The following DIP2A variants were observed in gnomAD, a reference collection of about 807,000 sequenced individuals.
DIP2A encodes disco-interacting protein 2 homolog A.
In DIP2A, 85 loss-of-function variants were observed where a neutral mutation model predicts 177.4. The observed-to-expected ratio is 0.48, with a 90% CI of 0.40 to 0.57. The LOEUF (loss-of-function observed/expected upper bound fraction) is 0.57, where lower values mean the gene tolerates loss of function less well. DIP2A is among the 20% of genes least tolerant of loss of function. DIP2A has a pLI of 0.00. For missense variants in DIP2A, 1,791 were observed against 2,100.2 expected, an observed-to-expected ratio of 0.85 and a Z score of 2.88; for synonymous variants, 886 against 881.8, an observed-to-expected ratio of 1.00 and a Z score of -0.08.
intron 32 of DIP2A, 112 bp downstream of exon 32, chr21:46,558,505 C>T (rs1375549887): frequency 9.2e-7 from 1 of 1,090,198 alleles, no homozygotes. Flanking sequence ...TTCTCCTTCT[C>T]TGGGCCTTTG....
chr21:46,487,390 T>A (rs1160572006), intron 2 of DIP2A, among the ~76,000 whole-genome samples: 2 of 152,214 alleles, frequency 1.3e-5, no homozygotes, highest in Non-Finnish European at 2.9e-5. Flanking sequence ...CCAGCAATCA[T>A]CAAACTAAAC....
At chr21:46,582,266 G>C in the DIP2A span, among the ~76,000 whole-genome samples, 2 of 152,138 alleles carry the variant, frequency 1.3e-5, no homozygotes, top group African/African-American at 4.8e-5. Flanking sequence ...AATTCCTCCT[G>C]GTTCAAACTA....
chr21:46,573,672 A>AAAAAAAAAAAAAAAAAAAG, downstream of DIP2A, among the ~76,000 whole-genome samples: 1 of 132,414 alleles, frequency 7.6e-6, no homozygotes, highest in Non-Finnish European at 1.6e-5. Flanking sequence ...AAAAAAAAAA[A>AAAAAAAAAAAAAAAAAAAG]AAAAAAAAAA....
intron 6 of DIP2A, 149 bp downstream of exon 6, chr21:46,504,638 G>C (rs901173328): frequency 1.0e-6 from 1 of 980,808 alleles, no homozygotes; most frequent in Non-Finnish European, 1.4e-6. Flanking sequence ...AGTGTGTGCA[G>C]TTAATGTTAT....
chr21:46,525,407 T>C (rs1458718253), intron 8 of DIP2A, among the ~76,000 whole-genome samples: 1 of 152,214 alleles, frequency 6.6e-6, no homozygotes, highest in African/African-American at 2.4e-5. Context: ...GAGACAGCCC[T>C]TGCCCCACTC....
chr21:46,511,309 T>G (rs2058300151), intron 7 of DIP2A, 108 bp from the exon 8 acceptor site: 1 of 1,188,594 alleles, frequency 8.4e-7, no homozygotes, highest in Non-Finnish European at 1.2e-6. Context: ...TGTAAGCTTT[T>G]TTATAGTTGG....
At chr21:46,561,652 C>G (rs190432938) in intron 33 of DIP2A, 96 bp from the exon 34 acceptor site, 6 of 1,461,924 alleles carry the variant, frequency 4.1e-6, no homozygotes, top group African/African-American at 1.4e-5. Context: ...GTCAACAGAC[C>G]CTCAGAGTGA....
At chr21:46,510,052 A>T (rs1170712166) in intron 7 of DIP2A, among the ~76,000 whole-genome samples, 2 of 152,252 alleles carry the variant, frequency 1.3e-5, no homozygotes, top group East Asian at 3.8e-4. Flanking sequence ...AATAGGATAG[A>T]TGTATACATA....
At position 46,490,641 on chromosome 21, in the gene DIP2A, C is replaced by A. The variant is rs2056957903; in HGVS notation, c.205C>A (p.Pro69Thr). The A allele has an allele frequency of 6.3e-7, 1 of 1,585,516 alleles. No homozygotes were observed. Among genetic ancestry groups the A allele is most frequent in the African/African-American group, 1.3e-5 (1 of 74,496 alleles). The change falls in exon 3 of 38, where the codon CCC becomes ACC. Residue 69 changes from proline (P) to threonine (T), a missense_variant. Physicochemically the swap from Pro to Thr is conservative, Grantham distance 38. Transcript: ENST00000417564. ...GCAAGCAGAGAATAGAATTCCTGGGCCCTCACAAACCACGGCCGCTGCACC... is the reference window on the plus strand; with the variant it reads ...GCAAGCAGAGAATAGAATTCCTGGGACCTCACAAACCACGGCCGCTGCACC... ...SLQAENRIPGPSQTTAAAPKQ... is the reference protein window; with the variant it reads ...SLQAENRIPGTSQTTAAAPKQ...
chr21:46,581,613 G>A, the DIP2A span, among the ~76,000 whole-genome samples: 6 of 151,876 alleles, frequency 4.0e-5, no homozygotes, highest in Admixed American at 2.0e-4. Context: ...TGAGGCTGCT[G>A]ACCTTTGGAT....
chr21:46,495,789 T>C (rs2148511531), intron 3 of DIP2A, among the ~76,000 whole-genome samples: 1 of 151,980 alleles, frequency 6.6e-6, no homozygotes, highest in African/African-American at 2.4e-5. Context: ...ACAAAAAAAA[T>C]TGGGCCAGGT....
chr21:46,465,381 A>G (rs1421251946), intron 1 of DIP2A, among the ~76,000 whole-genome samples: 4 of 151,540 alleles, frequency 2.6e-5, no homozygotes, highest in African/African-American at 9.7e-5. Flanking sequence ...CAGCCTGACC[A>G]ACATGACAAA....
chr21:46,487,771 C>G (rs4143362), intron 2 of DIP2A, among the ~76,000 whole-genome samples: 126,493 of 152,216 alleles, frequency 0.83, 52,914 homozygotes, highest in African/African-American at 0.92. Context: ...ACAGAACCTA[C>G]GTTAGGATCG....
intron 8 of DIP2A, among the ~76,000 whole-genome samples, chr21:46,521,942 T>G (rs757868115): frequency 2.3e-3 from 127 of 56,190 alleles, no homozygotes; most frequent in African/African-American, 8.9e-3. Context: ...CATTTCACTT[T>G]CCGTGCACAT....
intron 21 of DIP2A, among the ~76,000 whole-genome samples, chr21:46,547,380 A>C (rs1316420246): frequency 1.3e-5 from 2 of 152,204 alleles, no homozygotes; most frequent in East Asian, 3.8e-4. Flanking sequence ...ATGTGAATTA[A>C]AACAGAAAAG....
the DIP2A span, among the ~76,000 whole-genome samples, chr21:46,583,583 T>C: frequency 5.9e-5 from 9 of 152,230 alleles, no homozygotes; most frequent in Admixed American, 3.3e-4. Context: ...ATACTAAAAG[T>C]TAATTCCCAT....
At chr21:46,554,485 C>T in intron 26 of DIP2A, 90 bp from the exon 27 acceptor site, 5 of 1,561,106 alleles carry the variant, frequency 3.2e-6, no homozygotes, top group East Asian at 2.3e-5. Flanking sequence ...CCCAGCACCA[C>T]CTCCCCTCCT....
the DIP2A span, among the ~76,000 whole-genome samples, chr21:46,582,537 G>C: frequency 6.6e-6 from 1 of 152,184 alleles, no homozygotes; most frequent in East Asian, 1.9e-4. Context: ...ATCAGTCACT[G>C]CCTCCCTTGG....
At chr21:46,555,744 T>C (rs908497758) in intron 28 of DIP2A, 7 of 539,598 alleles carry the variant, frequency 1.3e-5, no homozygotes, top group African/African-American at 9.6e-5. Flanking sequence ...CCCTGCCTCG[T>C]CCCCCATCCC....
Sources: gnomAD v4.1 joint callset for allele counts (sites outside exome capture counted in the v4.1 genomes callset) on GRCh38, gnomAD v4.1.1 for gene constraint, MANE v1.5 for transcripts, NCBI Gene and HGNC (gene_info 2026-07-23, HGNC 2026-07-21) for gene names.